PRRC2C: variants seen among roughly 807,000 people sequenced by gnomAD.
PRRC2C encodes proline rich coiled-coil 2C.
PRRC2C carries 72 observed loss-of-function variants against 317.2 expected under a neutral mutation model. The observed-to-expected ratio is 0.23, with a 90% CI of 0.19 to 0.28. The LOEUF is 0.28. PRRC2C is among the 10% of genes least tolerant of loss of function. The pLI, the probability that PRRC2C is intolerant of heterozygous loss-of-function variation, is 1.00. For synonymous variants in PRRC2C, 1,296 were observed against 1,205.9 expected (o/e 1.07, Z -1.55); for missense variants, 3,074 against 3,459.7 (o/e 0.89, Z 2.80).
At chr1:171,588,237 A>G (rs181206010) in intron 32 of PRRC2C, 142 bp from the exon 33 acceptor site, 32 of 932,388 alleles carry the variant, frequency 3.4e-5, no homozygotes, top group Non-Finnish European at 5.3e-5. Flanking sequence ...TCTCTCTTCT[A>G]CCAGAATGTT....
chr1:171,557,770 TGCCCCAGTC>T lies in PRRC2C; in HGVS notation c.5659_5667del (p.Ala1887_Val1889del). The T allele has an allele frequency of 6.4e-7, 1 of 1,550,564 alleles. No individual in the cohort carries two copies. Among genetic ancestry groups the T allele is most frequent in the Non-Finnish European group, 8.7e-7 (1 of 1,146,468 alleles). On this transcript the variant is annotated inframe_deletion, in exon 19 of 35. Coordinates refer to ENST00000647382, the MANE Select transcript of PRRC2C (RefSeq NM_001387844.1). ...CAGCCCCAGCAGCCTCTTCCCCAGC[TGCCCCAGTC>T]ATCACAGCACCAACTATCCCAGCCT...
intron 1 of PRRC2C, chr1:171,510,386 G>C (rs1228633857): frequency 6.6e-6 from 1 of 152,144 alleles, no homozygotes; most frequent in Admixed American, 6.5e-5. Flanking sequence ...TAAGCAAGTT[G>C]ACTGTTTTTC....
chr1:171,574,348 G>A (rs957493033), intron 24 of PRRC2C, among the ~76,000 whole-genome samples: 11 of 152,218 alleles, frequency 7.2e-5, no homozygotes, highest in African/African-American at 2.6e-4. Flanking sequence ...GAAAACTACT[G>A]AATAGTGCTG....
At chr1:171,549,050 C>G (rs944169127) in intron 17 of PRRC2C, among the ~76,000 whole-genome samples, 4 of 152,096 alleles carry the variant, frequency 2.6e-5, no homozygotes, top group Admixed American at 2.6e-4. Flanking sequence ...ACTGTGTTGC[C>G]CATAACATAT....
intron 11 of PRRC2C, among the ~76,000 whole-genome samples, chr1:171,531,595 A>G (rs1000583131): frequency 6.6e-6 from 1 of 152,256 alleles, no homozygotes; most frequent in South Asian, 2.1e-4. Flanking sequence ...TTTAAAATCA[A>G]TATGTTAAAA....
chr1:171,588,451 A>G lies in PRRC2C; in HGVS notation c.8145A>G (p.Ser2715=). The G allele has an allele frequency of 6.2e-7, 1 of 1,613,832 alleles. No homozygotes were observed. Among genetic ancestry groups the G allele is most frequent in the South Asian group, 1.1e-5 (1 of 91,042 alleles). The change falls in exon 33 of 35, where the codon TCA becomes TCG. Residue 2715 remains serine (S), a synonymous_variant. Coordinates refer to ENST00000647382, the MANE Select transcript of PRRC2C (RefSeq NM_001387844.1). ...NSIVYQKQFQ[S]APATVRMTQP... ...TTGTCTACCAGAAGCAGTTCCAGTC[A>G]GCCCCTGCCACTGTGAGAATGACAC...
At chr1:171,583,275 T>C (rs1174872907) in intron 28 of PRRC2C, among the ~76,000 whole-genome samples, 1 of 152,172 alleles carries the variant, frequency 6.6e-6, no homozygotes, top group Admixed American at 6.5e-5. Context: ...GTCTGGCCTT[T>C]TCTTTTGTAA....
intron 16 of PRRC2C, 130 bp from the exon 17 acceptor site, chr1:171,545,349 G>T (rs1020961441): frequency 4.2e-5 from 30 of 721,080 alleles, no homozygotes; most frequent in Non-Finnish European, 5.5e-5. Flanking sequence ...ATGCTTGTTT[G>T]GTTACAGTTA....
At chr1:171,538,329 A>G (rs1026533595) in intron 15 of PRRC2C, among the ~76,000 whole-genome samples, 1 of 152,192 alleles carries the variant, frequency 6.6e-6, no homozygotes, top group Non-Finnish European at 1.5e-5. Context: ...TGTATCTACA[A>G]TGCTTATATA....
intron 7 of PRRC2C, among the ~76,000 whole-genome samples, chr1:171,522,743 C>T (rs1220834282): frequency 6.6e-6 from 1 of 152,174 alleles, no homozygotes; most frequent in African/African-American, 2.4e-5. Flanking sequence ...CATTACACTC[C>T]AGCCTGAGCG....
intron 24 of PRRC2C, among the ~76,000 whole-genome samples, chr1:171,572,939 C>G (rs1685029276): frequency 6.6e-6 from 1 of 152,226 alleles, no homozygotes; most frequent in Non-Finnish European, 1.5e-5. Flanking sequence ...TCTGCCATCT[C>G]CTTTTTGTTG....
intron 26 of PRRC2C, among the ~76,000 whole-genome samples, chr1:171,578,698 T>G (rs1192878791): frequency 1.3e-5 from 2 of 152,056 alleles, no homozygotes; most frequent in African/African-American, 2.4e-5. Flanking sequence ...TGAAACCACG[T>G]CTCTACTAAA....
intron 1 of PRRC2C, among the ~76,000 whole-genome samples, chr1:171,488,910 A>G (rs1415928566): frequency 1.3e-5 from 2 of 152,200 alleles, no homozygotes; most frequent in Admixed American, 1.3e-4. Flanking sequence ...TTAAGGGAAG[A>G]TGGAATATCA....
rs1677898062 is a variant in PRRC2C, at chr1:171,541,306, G to A, written c.3840G>A (p.Lys1280=). Residue 1280 remains lysine, a synonymous_variant, in exon 16 of 35, where the codon AAG becomes AAA. Transcript: ENST00000647382. This position sits in a 1 kb window ranked among gnomAD's most constrained non-coding sequence, Gnocchi z 4.1. The stretch of plus-strand genomic sequence containing the variant: ...AAATTCATGAAAGTGCAAGTGACAA[G>A]GACAGTTTAAGTAAAGGCAAACTTC... The part of the protein sequence containing the change: ...DSEIHESASD[K]DSLSKGKLPK... The A allele has an allele frequency of 6.2e-7, 1 of 1,613,968 alleles. No individual in the cohort carries two copies. The highest frequency in any genetic ancestry group is 1.7e-5 in the Admixed American group (1 of 60,012).
intron 30 of PRRC2C, among the ~76,000 whole-genome samples, chr1:171,586,062 G>GTTTTTTTTTTT (rs78928878): frequency 2.3e-5 from 1 of 43,506 alleles, no homozygotes; most frequent in African/African-American, 7.8e-5. Flanking sequence ...GTCAGGTGTT[G>GTTTTTTTTTTT]ATTTTTTTTT....
At chr1:171,517,172 A>G (rs562282721) in intron 5 of PRRC2C, among the ~76,000 whole-genome samples, 2 of 152,336 alleles carry the variant, frequency 1.3e-5, no homozygotes, top group East Asian at 3.9e-4. Flanking sequence ...ACTAACAATA[A>G]TATACTGGAA....
At chr1:171,535,372 GT>G (rs1676629314) in intron 12 of PRRC2C, 55 bp from the exon 13 acceptor site, 1 of 1,473,708 alleles carries the variant, frequency 6.8e-7, no homozygotes, top group Non-Finnish European at 9.1e-7. Context: ...TAAAAATCCT[GT>G]GTTTGATAAG....
intron 10 of PRRC2C, among the ~76,000 whole-genome samples, chr1:171,526,455 A>G (rs1674583203): frequency 6.6e-6 from 1 of 152,100 alleles, no homozygotes; most frequent in African/African-American, 2.4e-5. Flanking sequence ...CTTGTGCCTC[A>G]GCCTCCCAAC....
Position 171,542,106 on chromosome 1 carries a change from G to C in PRRC2C, c.4640G>C (p.Ser1547Thr). 1 of 1,613,872 alleles carries C rather than the reference G, an allele frequency of 6.2e-7. No homozygotes were observed. Among genetic ancestry groups the C allele is most frequent in the Non-Finnish European group, 8.5e-7 (1 of 1,179,848 alleles). Residue 1547 changes from serine to threonine, a missense_variant, in exon 16 of 35, where the codon AGT (serine) becomes ACT (threonine). Ser to Thr is a moderately conservative substitution (Grantham distance 58). Around this residue, in one of 11 missense-constraint regions of PRRC2C, gnomAD observed 178 missense variants for 163.0 expected, o/e 1.09. Coordinates refer to ENST00000647382, the MANE Select transcript of PRRC2C (RefSeq NM_001387844.1). ...GAAATTGCAAAGAGAAGTTTTTCTA[G>C]TCAGAGACCAGTAGATCGTCAGAAT... ...KREIAKRSFS[S>T]QRPVDRQNRR... is the part of the protein sequence containing the mutation.
Sources: gnomAD v4.1 joint callset for allele counts (sites outside exome capture counted in the v4.1 genomes callset) on GRCh38, gnomAD v4.1.1 for gene constraint, gnomAD v4.1.1 regional missense constraint, Gnocchi (gnomAD v3.1) non-coding constraint, MANE v1.5 for transcripts, NCBI Gene and HGNC (gene_info 2026-07-23, HGNC 2026-07-21) for gene names.